The following DOK6 variants were observed in gnomAD, a reference collection of about 807,000 sequenced individuals.
DOK6 encodes the protein docking protein 6, also known as downstream of tyrosine kinase 6.
Under a neutral mutation model 44.0 loss-of-function variants are expected in DOK6, and 22 were observed. The ratio of observed to expected loss-of-function variants is 0.50; its 90% CI spans 0.36 to 0.71. DOK6 has a LOEUF of 0.71. Among genes scored for constraint, DOK6 ranks in the 30% least tolerant of loss-of-function variants. DOK6 has a pLI of 0.00. For synonymous variants in DOK6, 166 were observed against 145.5 expected (o/e 1.14, Z -1.01); for missense variants, 340 against 416.4 (o/e 0.82, Z 1.60).
intron 1 of DOK6, among the ~76,000 whole-genome samples, chr18:69,501,332 G>T (rs141056645): frequency 1.3e-5 from 2 of 151,944 alleles, no homozygotes; most frequent in African/African-American, 2.4e-5. Context: ...ATCAAGCTCC[G>T]AATAAAAGAG....
At position 69,757,773 on chromosome 18, in the gene DOK6, T is replaced by G. The variant is rs1345867350; in HGVS notation, c.756T>G (p.Thr252=). 9.3e-6 allele frequency: 15 copies of G among 1,614,098 alleles called. No individual in the cohort carries two copies. Among genetic ancestry groups the G allele is most frequent in the Non-Finnish European group, 1.2e-5 (14 of 1,179,964 alleles). The change falls in exon 7 of 8, where the codon ACT becomes ACG. Residue 252 remains threonine (T), a synonymous_variant. Coordinates refer to ENST00000382713, the MANE Select transcript of DOK6 (RefSeq NM_152721.6). ...EQKARLQTSL[T]EPMTLSKSIS... is the part of the protein sequence containing the mutation. ...TCTTTTAGCTTCAGACAAGCTTGAC[T>G]GAACCAATGACATTATCCAAATCAA...
rs1982211570 is a variant in DOK6, at chr18:69,841,310, G to A, written c.923G>A (p.Ser308Asn). 6.2e-7 allele frequency: 1 copy of A among 1,614,046 alleles called. No individual in the cohort carries two copies. The highest frequency in any genetic ancestry group is 1.1e-5 in the South Asian group (1 of 91,094). ...TTTCCCAGCTACGCCCCAGAACAGA[G>A]TGAAGAGGCCCAGCAGCCGTTGTCG... ...QTFPSYAPEQ[S>N]EEAQQPLSRS... Residue 308 changes from serine to asparagine, a missense_variant, in exon 8 of 8, where the codon AGT (serine) becomes AAT (asparagine). By Grantham distance (46) the Ser-to-Asn change is conservative. Transcript: ENST00000382713.
At chr18:69,451,277 A>G (rs1463078261) in intron 1 of DOK6, among the ~76,000 whole-genome samples, 1 of 132,550 alleles carries the variant, frequency 7.5e-6, no homozygotes, top group Non-Finnish European at 1.6e-5. Flanking sequence ...CTCTGATAAA[A>G]CAGACTTTAA....
At chr18:69,500,526 CA>C (rs1981019056) in intron 1 of DOK6, among the ~76,000 whole-genome samples, 1 of 152,092 alleles carries the variant, frequency 6.6e-6, no homozygotes, top group Admixed American at 6.6e-5. Flanking sequence ...TCCATGAAAA[CA>C]ATAACTCTGC....
At chr18:69,511,155 T>A (rs1317878162) in intron 1 of DOK6, among the ~76,000 whole-genome samples, 1 of 152,184 alleles carries the variant, frequency 6.6e-6, no homozygotes, top group Non-Finnish European at 1.5e-5. Context: ...TGCACTCTAT[T>A]ATTACAGCAT....
chr18:69,528,528 C>T (rs2144570962), intron 1 of DOK6, among the ~76,000 whole-genome samples: 1 of 152,258 alleles, frequency 6.6e-6, no homozygotes, highest in African/African-American at 2.4e-5. Context: ...TGAAGTATAG[C>T]CTGACTCATT....
chr18:69,497,936 G>A (rs1980938958), intron 1 of DOK6, among the ~76,000 whole-genome samples: 1 of 152,008 alleles, frequency 6.6e-6, no homozygotes. Context: ...GCTGCAGTGA[G>A]CTATGATTGC....
intron 3 of DOK6, among the ~76,000 whole-genome samples, chr18:69,621,391 C>G (rs1020008995): frequency 2.6e-5 from 4 of 151,970 alleles, no homozygotes; most frequent in African/African-American, 9.7e-5. Context: ...ATTCATATAC[C>G]CTTTCTCATC....
chr18:69,741,312 T>C (rs1978791106), intron 6 of DOK6, among the ~76,000 whole-genome samples: 1 of 152,244 alleles, frequency 6.6e-6, no homozygotes, highest in African/African-American at 2.4e-5. Context: ...TGCAGGTTAA[T>C]GCTAGTAAGA....
At chr18:69,658,029 G>C (rs939927953) in intron 3 of DOK6, among the ~76,000 whole-genome samples, 22 of 152,142 alleles carry the variant, frequency 1.4e-4, no homozygotes, top group African/African-American at 4.6e-4. Flanking sequence ...ATGGCTCACT[G>C]TAGCCTCCAT....
At chr18:69,636,406 G>A (rs990141187) in intron 3 of DOK6, among the ~76,000 whole-genome samples, 1 of 152,146 alleles carries the variant, frequency 6.6e-6, no homozygotes, top group Non-Finnish European at 1.5e-5. Flanking sequence ...CCTTTCTTCT[G>A]TCTATGTATA....
rs1979412412 is a variant in DOK6 at position 69,757,875 on chromosome 18, C to G, written c.856+2C>G. ...TTGGTGAAATCTACAGTTTGCAAGG[C>G]AAGTCACTTTAATGTAAGAAAGCAG... On this transcript the variant is annotated splice_donor_variant, in intron 7 of 7. Transcript: ENST00000382713. LOFTEE classifies it high-confidence loss of function. The G allele has an allele frequency of 1.2e-6, 2 of 1,612,550 alleles. No individual in the cohort carries two copies. The highest frequency in any genetic ancestry group is 1.7e-6 in the Non-Finnish European group (2 of 1,178,678).
rs113248582 is a variant in DOK6 at position 69,527,381 on chromosome 18, T to C, written c.67-37106T>C. 1.1e-3 allele frequency among the ~76,000 whole-genome samples: 162 copies of C among 152,232 alleles called. 2 individuals are homozygous for C. The highest frequency in any genetic ancestry group is 3.4e-3 in the Middle Eastern group (1 of 294). ...CTTACAATCATAGCAGAAGGGGAAGTAAACATGTTCTTTTCACATGGCAGC... is the reference window on the plus strand; with the variant it reads ...CTTACAATCATAGCAGAAGGGGAAGCAAACATGTTCTTTTCACATGGCAGC... On this transcript the variant is annotated intron_variant, in intron 1 of 7. Transcript: ENST00000382713.
intron 7 of DOK6, among the ~76,000 whole-genome samples, chr18:69,802,689 GCT>G (rs774788418): frequency 6.6e-5 from 10 of 152,026 alleles, no homozygotes; most frequent in Admixed American, 3.9e-4. Flanking sequence ...TCCCTGTCTT[GCT>G]CTCTCTTTCT....
intron 1 of DOK6, among the ~76,000 whole-genome samples, chr18:69,427,889 T>C (rs933037138): frequency 1.3e-5 from 2 of 151,884 alleles, no homozygotes; most frequent in Non-Finnish European, 2.9e-5. Context: ...GCAATTCTCC[T>C]ACCTCAGCCT....
rs1985914861 is a variant in DOK6 at position 69,676,047 on chromosome 18, C to A, written c.290-1687C>A. ...CTGGGTTCCTAAGGAAATGCCTGAG[C>A]AGCTAATCCCAGGCCTCTGACTCCA... On this transcript the variant is annotated intron_variant, in intron 3 of 7. Coordinates refer to ENST00000382713, the MANE Select transcript of DOK6 (RefSeq NM_152721.6). Among the ~76,000 whole-genome samples, 4 of 152,172 alleles carry A rather than the reference C, an allele frequency of 2.6e-5. No homozygotes were observed. The South Asian group carries it at 8.3e-4, about 31-fold the overall frequency.
In DOK6 at chr18:69,714,747, T is replaced by A. The variant is rs141758680; in HGVS notation, c.599+16154T>A. ...GGAAATTTTGCAAGGCAATTCACCT[T>A]GATCATTAAATATTTAGCAATATTT... On this transcript the variant is annotated intron_variant, in intron 5 of 7. Transcript: ENST00000382713. 1.6e-3 allele frequency among the ~76,000 whole-genome samples: 243 copies of A among 152,338 alleles called. 1 individual carries two copies. Among genetic ancestry groups the A allele is most frequent in the African/African-American group, 5.6e-3 (232 of 41,572 alleles).
chr18:69,427,393 T>C (rs1051843451), intron 1 of DOK6, among the ~76,000 whole-genome samples: 11 of 117,350 alleles, frequency 9.4e-5, no homozygotes, highest in African/African-American at 3.3e-4. Context: ...TCACTGATCA[T>C]TAGAGATCAT....
chr18:69,661,408 A>G (rs1483252679), intron 3 of DOK6: 1 of 152,226 alleles, frequency 6.6e-6, no homozygotes, highest in Admixed American at 6.5e-5. Flanking sequence ...GTTTCCACAT[A>G]TGAATTGTAG....
Sources: gnomAD v4.1 joint callset for allele counts (sites outside exome capture counted in the v4.1 genomes callset) on GRCh38, gnomAD v4.1.1 for gene constraint, MANE v1.5 for transcripts, NCBI Gene and HGNC (gene_info 2026-07-23, HGNC 2026-07-21) for gene names.